The following PGBD1 variants were observed in gnomAD, a reference collection of about 807,000 sequenced individuals.
PGBD1 encodes piggyBac transposable element-derived protein 1.
Under a neutral mutation model 34.7 loss-of-function variants are expected in PGBD1, and 25 were observed. The ratio of observed to expected loss-of-function variants is 0.72; its 90% CI spans 0.52 to 1.00. The LOEUF is 1.00. Among genes scored for constraint, PGBD1 ranks in the 50% least tolerant of loss-of-function variants. The pLI is 0.00. For missense variants in PGBD1, 830 were observed against 959.4 expected, an observed-to-expected ratio of 0.87 and a Z score of 1.78; for synonymous variants, 292 against 335.7, an observed-to-expected ratio of 0.87 and a Z score of 1.42.
At position 28,301,380 on chromosome 6, in the gene PGBD1, A is replaced by T. The variant is rs774485064; in HGVS notation, c.1526A>T (p.Asp509Val). Residue 509 changes from aspartate to valine, a missense_variant, in exon 7 of 7, where the codon GAT becomes GTT. By Grantham distance (152) the Asp-to-Val change is radical. Transcript: ENST00000682144. ...ATTTTCTCAAACCTGCACTTTGCAG[A>T]TAATGGCCACCTAGATCAAAAAGAT... is the stretch of plus-strand genomic sequence containing the variant. Reference protein sequence around the residue: ...ELIFSNLHFADNGHLDQKDKF... With the variant: ...ELIFSNLHFAVNGHLDQKDKF... 41 of 1,614,070 alleles carry T rather than the reference A, an allele frequency of 2.5e-5. No homozygotes were observed. The highest frequency in any genetic ancestry group is 6.7e-5 in the Admixed American group (4 of 60,012).
intron 4 of PGBD1, among the ~76,000 whole-genome samples, chr6:28,289,936 A>T (rs1434952606): frequency 6.6e-6 from 1 of 152,176 alleles, no homozygotes; most frequent in Non-Finnish European, 1.5e-5. Flanking sequence ...TGTATTTGGG[A>T]TCTAAGATAA....
rs902465494 is a variant in PGBD1, at chr6:28,300,921, G to T, written c.1067G>T (p.Gly356Val). 1 of 1,613,972 alleles carries T rather than the reference G, an allele frequency of 6.2e-7. No homozygotes were observed. Among genetic ancestry groups the T allele is most frequent in the African/African-American group, 1.3e-5 (1 of 74,898 alleles). The change falls in exon 7 of 7, where the codon GGC becomes GTC. Residue 356 changes from glycine to valine, a missense_variant. Around this residue, in one of 3 missense-constraint regions of PGBD1, gnomAD observed 457 missense variants for 515.4 expected, o/e 0.89. Coordinates refer to ENST00000682144, the MANE Select transcript of PGBD1 (RefSeq NM_032507.4). This position sits in a 1 kb window ranked among gnomAD's most constrained non-coding sequence, Gnocchi z 4.0. ...GCTCGAGTGAGTGAACTGCTCCAAG[G>T]CCTCTCATTCTCTGGTGACTCAGAT... Reference protein sequence around the residue: ...DKARVSELLQGLSFSGDSDVE... With the variant: ...DKARVSELLQVLSFSGDSDVE...
chr6:28,288,960 C>G (rs1762368592), intron 4 of PGBD1, among the ~76,000 whole-genome samples: 1 of 151,862 alleles, frequency 6.6e-6, no homozygotes, highest in Non-Finnish European at 1.5e-5. Flanking sequence ...TACACTCCAG[C>G]CTGGGCAACA....
At position 28,300,868 on chromosome 6, in the gene PGBD1, T is replaced by G; in HGVS notation, c.1014T>G (p.Ile338Met). The G allele has an allele frequency of 6.2e-7, 1 of 1,613,998 alleles. No individual in the cohort carries two copies. Among genetic ancestry groups the G allele is most frequent in the Non-Finnish European group, 8.5e-7 (1 of 1,179,992 alleles). Residue 338 changes from isoleucine to methionine, a missense_variant, in exon 7 of 7, where the codon ATT (isoleucine) becomes ATG (methionine). Ile to Met is a conservative substitution (Grantham distance 10). Coordinates refer to ENST00000682144, the MANE Select transcript of PGBD1 (RefSeq NM_032507.4). This position sits in a 1 kb window ranked among gnomAD's most constrained non-coding sequence, Gnocchi z 4.0. ...ISSLEYAAGD[I>M]TRKGRKKDKA... ...CCCTGGAATATGCTGCAGGAGACAT[T>G]ACCCGAAAAGGGAGAAAAAAAGACA...
chr6:28,287,147 G>GT lies in PGBD1; in HGVS notation c.624dup (p.Asn209Ter). 6.2e-7 allele frequency: 1 copy of GT among 1,613,844 alleles called. No homozygotes were observed. Among genetic ancestry groups the GT allele is most frequent in the Non-Finnish European group, 8.5e-7 (1 of 1,179,772 alleles). On this transcript the variant is annotated frameshift_variant, in exon 4 of 7. Transcript: ENST00000682144. LOFTEE classifies it high-confidence loss of function. ...CCAGAGACAAGGCTGTAGTGCCTGT[G>GT]TTTAACCCAGTCAGGTCCCAGGTAA...
In PGBD1 at chr6:28,283,905, A is replaced by C; in HGVS notation, c.92A>C (p.Asn31Thr). ...EEDPTWEQVC[N>T]SQEGSSHTQE... is the part of the protein sequence containing the mutation. ...GATCCCACCTGGGAGCAGGTGTGCAACTCACAGGAGGGCAGCTCCCACACT... is the reference window on the plus strand; with the variant it reads ...GATCCCACCTGGGAGCAGGTGTGCACCTCACAGGAGGGCAGCTCCCACACT... Residue 31 changes from asparagine to threonine, a missense_variant, in exon 2 of 7, where the codon AAC (asparagine) becomes ACC (threonine). By Grantham distance (65) the Asn-to-Thr change is moderately conservative. Coordinates refer to ENST00000682144, the MANE Select transcript of PGBD1 (RefSeq NM_032507.4). 2 of 1,613,948 alleles carry C rather than the reference A, an allele frequency of 1.2e-6. No individual in the cohort carries two copies. Among genetic ancestry groups the C allele is most frequent in the Non-Finnish European group, 8.5e-7 (1 of 1,179,890 alleles).
In PGBD1 at chr6:28,285,647, A is replaced by G. The variant is rs1053770966; in HGVS notation, c.493A>G (p.Ile165Val). The G allele has an allele frequency of 1.9e-6, 3 of 1,614,186 alleles. No individual in the cohort carries two copies. Among genetic ancestry groups the G allele is most frequent in the Non-Finnish European group, 2.5e-6 (3 of 1,180,028 alleles). The change falls in exon 3 of 7, where the codon ATA becomes GTA. Residue 165 changes from isoleucine (I) to valine (V), a missense_variant. Transcript: ENST00000682144. ...ECQSLQLLPGITTLKCEPPQR... is the reference protein window; with the variant it reads ...ECQSLQLLPGVTTLKCEPPQR... ...TCAGAGCCTCCAGCTCCTGCCTGGG[A>G]TAACCACCCTGAAGTGTGAACCTCC... is the stretch of plus-strand genomic sequence containing the variant.
chr6:28,288,779 G>A (rs1762363287), intron 4 of PGBD1, among the ~76,000 whole-genome samples: 1 of 152,044 alleles, frequency 6.6e-6, no homozygotes, highest in East Asian at 1.9e-4. Context: ...CACGAGGTCA[G>A]GAGTTCGAGA....
intron 1 of PGBD1, among the ~76,000 whole-genome samples, chr6:28,282,788 G>T (rs1323621091): frequency 1.3e-5 from 2 of 152,160 alleles, no homozygotes; most frequent in African/African-American, 4.8e-5. Context: ...CAAGATGTGG[G>T]TTTGGAGTGC....
intron 5 of PGBD1, 50 bp from the exon 6 acceptor site, chr6:28,297,845 T>TTTTAAAAAAAAAAAAAA: frequency 7.1e-6 from 2 of 283,632 alleles, no homozygotes; most frequent in Non-Finnish European, 6.6e-6. Context: ...TTTTTTTTTT[T>TTTTAAAAAAAAAAAAAA]CAAAATTCAC....
chr6:28,298,390 G>A (rs1473054762), intron 6 of PGBD1, among the ~76,000 whole-genome samples: 1 of 152,094 alleles, frequency 6.6e-6, no homozygotes, highest in Non-Finnish European at 1.5e-5. Flanking sequence ...GACAAGCAGG[G>A]TACAGGTTGA....
At chr6:28,294,252 C>T (rs1325014499) in intron 4 of PGBD1, among the ~76,000 whole-genome samples, 3 of 152,180 alleles carry the variant, frequency 2.0e-5, no homozygotes, top group African/African-American at 7.2e-5. Context: ...GGTGAGGAAG[C>T]TACAGAAGAA....
intron 5 of PGBD1, 70 bp downstream of exon 5, chr6:28,297,015 C>T: frequency 6.3e-7 from 1 of 1,579,138 alleles, no homozygotes; most frequent in African/African-American, 1.4e-5. Context: ...TGGCTTGGCC[C>T]TTGGGAGGCC....
rs1762659361 is a variant in PGBD1 at position 28,296,912 on chromosome 6, G to C, written c.739G>C (p.Ala247Pro). The stretch of plus-strand genomic sequence containing the variant: ...TCGGAGGAACCTCTGTGGGAACTCA[G>C]CTCAGGAGACAGTTATGAGCCTCAG... ...LTRRNLCGNS[A>P]QETVMSLSPM... The change falls in exon 5 of 7, where the codon GCT (alanine) becomes CCT (proline). Residue 247 changes from alanine (A) to proline (P), a missense_variant. Physicochemically the swap from Ala to Pro is conservative, Grantham distance 27. Transcript: ENST00000682144. The C allele has an allele frequency of 6.2e-7, 1 of 1,614,174 alleles. No homozygotes were observed. Among genetic ancestry groups the C allele is most frequent in the Non-Finnish European group, 8.5e-7 (1 of 1,180,016 alleles).
In PGBD1 at chr6:28,284,119, C is replaced by T; in HGVS notation, c.306C>T (p.Pro102=). 1 of 1,613,894 alleles carries T rather than the reference C, an allele frequency of 6.2e-7. No individual in the cohort carries two copies. ...FLTILPKELQ[P]CVKTYPLESG... is the part of the protein sequence containing the mutation. ...CCATCCTGCCCAAGGAGCTCCAGCCCTGTGTGAAGACATATCCTCTGGAGA... is the reference window on the plus strand; with the variant it reads ...CCATCCTGCCCAAGGAGCTCCAGCCTTGTGTGAAGACATATCCTCTGGAGA... The change falls in exon 2 of 7, where the codon CCC becomes CCT. Residue 102 remains proline, a synonymous_variant. Coordinates refer to ENST00000682144, the MANE Select transcript of PGBD1 (RefSeq NM_032507.4).
chr6:28,301,664 G>A lies in PGBD1; in HGVS notation c.1810G>A (p.Gly604Arg), dbSNP rs1762845620. 1 of 1,614,164 alleles carries A rather than the reference G, an allele frequency of 6.2e-7. No homozygotes were observed. Among genetic ancestry groups the A allele is most frequent in the East Asian group, 2.2e-5 (1 of 44,878 alleles). The change falls in exon 7 of 7, where the codon GGA becomes AGA. Residue 604 changes from glycine to arginine, a missense_variant. Transcript: ENST00000682144. ...VDEDPDLGLG[G>R]NLVMNFADVL... is the part of the protein sequence containing the mutation. ...TGAGGATCCTGATCTTGGGTTAGGT[G>A]GAAATCTAGTGATGAACTTCGCTGA...
At chr6:28,289,806 A>C (rs1346049048) in intron 4 of PGBD1, among the ~76,000 whole-genome samples, 1 of 152,184 alleles carries the variant, frequency 6.6e-6, no homozygotes, top group Non-Finnish European at 1.5e-5. Context: ...ATGGCTAGCA[A>C]CCTGTTAAGA....
rs971714237 is a variant in PGBD1 at position 28,290,668 on chromosome 6, G to A, written c.642+3500G>A. Among the ~76,000 whole-genome samples, 7 of 152,254 alleles carry A rather than the reference G, an allele frequency of 4.6e-5. No individual in the cohort carries two copies. In the East Asian group the frequency reaches 5.8e-4, roughly 13 times the overall value. ...GAATGCACATTCTTTTCATCAGCAC[G>A]TGGGACATAAGAATAGACCATATCT... is the stretch of plus-strand genomic sequence containing the variant. On this transcript the variant is annotated intron_variant, in intron 4 of 6. Transcript: ENST00000682144.
chr6:28,285,627 G>A lies in PGBD1; in HGVS notation c.473G>A (p.Ser158Asn), dbSNP rs1379432560. 6.2e-7 allele frequency: 1 copy of A among 1,614,144 alleles called. No individual in the cohort carries two copies. Among genetic ancestry groups the A allele is most frequent in the African/African-American group, 1.3e-5 (1 of 75,030 alleles). Residue 158 changes from serine (S) to asparagine (N), a missense_variant, in exon 3 of 7, where the codon AGC becomes AAC. Transcript: ENST00000682144. The stretch of plus-strand genomic sequence containing the variant: ...CAAGGAGTCTCTTTGGAGTGTCAGA[G>A]CCTCCAGCTCCTGCCTGGGATAACC... ...EYQGVSLECQ[S>N]LQLLPGITTL...
Sources: gnomAD v4.1 joint callset for allele counts (sites outside exome capture counted in the v4.1 genomes callset) on GRCh38, gnomAD v4.1.1 for gene constraint, gnomAD v4.1.1 regional missense constraint, Gnocchi (gnomAD v3.1) non-coding constraint, MANE v1.5 for transcripts, NCBI Gene and HGNC (gene_info 2026-07-23, HGNC 2026-07-21) for gene names.